AFF3: variants seen among roughly 807,000 people sequenced by gnomAD.
AFF3 encodes AF4/FMR2 family member 3.
Under a neutral mutation model 129.7 loss-of-function variants are expected in AFF3, and 32 were observed. That is an observed-to-expected ratio of 0.25 (90% confidence interval 0.19 to 0.33). AFF3 has a LOEUF of 0.33. Ranked by LOEUF, AFF3 falls within the 10% of genes least tolerant of loss-of-function variation. AFF3 has a pLI of 1.00. For missense variants in AFF3, 1,373 were observed against 1,592.0 expected, an observed-to-expected ratio of 0.86 and a Z score of 2.34; for synonymous variants, 644 against 635.4, an observed-to-expected ratio of 1.01 and a Z score of -0.20.
chr2:99,632,958 C>T (rs137992680), intron 13 of AFF3, among the ~76,000 whole-genome samples: 6 of 152,262 alleles, frequency 3.9e-5, no homozygotes, highest in South Asian at 2.1e-4. Flanking sequence ...AAGGAGGAAA[C>T]GGAGTGTTTG....
chr2:99,620,484 C>T (rs892479999), intron 13 of AFF3, among the ~76,000 whole-genome samples: 4 of 151,976 alleles, frequency 2.6e-5, no homozygotes, highest in African/African-American at 9.7e-5. Flanking sequence ...AAAAAATTTG[C>T]CAGGGGTGGT....
chr2:100,004,367 A>G lies in AFF3; in HGVS notation c.873+2265T>C, dbSNP rs1681745432. On this transcript the variant is annotated intron_variant, in intron 7 of 24. Coordinates refer to ENST00000672756, the MANE Select transcript of AFF3 (RefSeq NM_001386135.1). ...CACATTAAATCGTTTTACCTCTTTC[A>G]AAAAATAAAAATATTTATTCCCTCA... 2.0e-5 allele frequency among the ~76,000 whole-genome samples: 3 copies of G among 152,222 alleles called. No individual in the cohort carries two copies. The South Asian group carries it at 6.2e-4, about 32-fold the overall frequency.
At chr2:99,633,769 C>T (rs1683349402) in intron 13 of AFF3, among the ~76,000 whole-genome samples, 1 of 152,126 alleles carries the variant, frequency 6.6e-6, no homozygotes, top group Non-Finnish European at 1.5e-5. Flanking sequence ...CTCTTTGCAC[C>T]TGCCCACTTC....
At chr2:99,744,804 G>A (rs1404257731) in intron 9 of AFF3, among the ~76,000 whole-genome samples, 3 of 152,134 alleles carry the variant, frequency 2.0e-5, no homozygotes, top group Non-Finnish European at 4.4e-5. Context: ...TATTTGGGCT[G>A]TTTCTACCTT....
At chr2:100,033,613 T>C (rs576389095) in intron 4 of AFF3, among the ~76,000 whole-genome samples, 25 of 152,140 alleles carry the variant, frequency 1.6e-4, no homozygotes, top group Admixed American at 3.3e-4. Context: ...GGAAACAATA[T>C]AGAATTTTTA....
intron 14 of AFF3, among the ~76,000 whole-genome samples, chr2:99,598,482 A>G (rs1308449664): frequency 6.6e-6 from 1 of 152,204 alleles, no homozygotes; most frequent in African/African-American, 2.4e-5. Context: ...TTACCATACT[A>G]CAGTGATTTA....
At position 99,752,204 on chromosome 2, in the gene AFF3, G is replaced by A; in HGVS notation, c.1002+17C>T. ...CATGAGTGAAACATATTCCTCCTGA[G>A]GGATGCAAGATCTCACCTTATTTGG... On this transcript the variant is annotated intron_variant, in intron 9 of 24. Transcript: ENST00000672756. 1 of 1,595,774 alleles carries A rather than the reference G, an allele frequency of 6.3e-7. No homozygotes were observed. Among genetic ancestry groups the A allele is most frequent in the Non-Finnish European group, 8.6e-7 (1 of 1,163,426 alleles).
chr2:99,931,572 T>C (rs1257219759), intron 7 of AFF3, among the ~76,000 whole-genome samples: 2 of 152,212 alleles, frequency 1.3e-5, no homozygotes, highest in Admixed American at 1.3e-4. Flanking sequence ...TAGGGTACTG[T>C]TTAGAGATCA....
intron 7 of AFF3, among the ~76,000 whole-genome samples, chr2:99,978,099 T>C (rs1679055428): frequency 6.6e-6 from 1 of 152,206 alleles, no homozygotes; most frequent in African/African-American, 2.4e-5. Flanking sequence ...AAGAGAGCTG[T>C]ACCATCTGCT....
intron 4 of AFF3, among the ~76,000 whole-genome samples, chr2:100,037,764 A>T (rs1219365864): frequency 1.5e-5 from 2 of 133,898 alleles, no homozygotes; most frequent in Non-Finnish European, 3.1e-5. Context: ...TATTAAATAT[A>T]ATAAATATAT....
At chr2:99,987,015 G>A (rs531557629) in intron 7 of AFF3, among the ~76,000 whole-genome samples, 9 of 152,144 alleles carry the variant, frequency 5.9e-5, no homozygotes, top group Non-Finnish European at 1.3e-4. Context: ...AAGGCCGATC[G>A]TTACAAACGT....
At chr2:100,082,891 A>C (rs1195979279) in intron 4 of AFF3, among the ~76,000 whole-genome samples, 1 of 152,026 alleles carries the variant, frequency 6.6e-6, no homozygotes, top group Non-Finnish European at 1.5e-5. Context: ...GACCAGCCTG[A>C]CCAACATGGA....
chr2:100,111,165 A>G (rs1237056552), intron 2 of AFF3, among the ~76,000 whole-genome samples: 1 of 152,244 alleles, frequency 6.6e-6, no homozygotes, highest in African/African-American at 2.4e-5. Context: ...GGAACAAAAT[A>G]AGACCCTATG....
intron 8 of AFF3, among the ~76,000 whole-genome samples, chr2:99,808,245 T>C (rs1686510951): frequency 6.6e-6 from 1 of 152,112 alleles, no homozygotes; most frequent in African/African-American, 2.4e-5. Context: ...TGTAACACAA[T>C]GGCAGGAAAC....
At chr2:99,930,182 T>C (rs765176844) in intron 7 of AFF3, among the ~76,000 whole-genome samples, 13 of 152,112 alleles carry the variant, frequency 8.5e-5, no homozygotes, top group Admixed American at 2.6e-4. Context: ...AAGAAGACTT[T>C]GTAGAATGAA....
At chr2:99,781,846 T>G (rs865820466) in intron 8 of AFF3, among the ~76,000 whole-genome samples, 1 of 151,962 alleles carries the variant, frequency 6.6e-6, no homozygotes, top group African/African-American at 2.4e-5. Context: ...TAACCAAGTA[T>G]AGCAAAATAT....
chr2:99,946,476 A>T (rs1460732462), intron 7 of AFF3, among the ~76,000 whole-genome samples: 1 of 20,276 alleles, frequency 4.9e-5, no homozygotes, highest in Non-Finnish European at 8.1e-5. Context: ...GCCATCTTAA[A>T]AAAAAAAAAA....
chr2:99,845,751 C>T (rs1257529709), intron 7 of AFF3, among the ~76,000 whole-genome samples: 1 of 152,186 alleles, frequency 6.6e-6, no homozygotes, highest in African/African-American at 2.4e-5. Flanking sequence ...CCTCACATTA[C>T]AGGCAAACTT....
At chr2:99,596,934 C>T (rs1037972027) in intron 14 of AFF3, among the ~76,000 whole-genome samples, 5 of 152,178 alleles carry the variant, frequency 3.3e-5, no homozygotes, top group Non-Finnish European at 5.9e-5. Flanking sequence ...TATTGCCTCT[C>T]AAACAAAATC....
Sources: allele counts gnomAD v4.1 joint callset (sites outside exome capture counted in the v4.1 genomes callset), GRCh38; gene constraint gnomAD v4.1.1; transcripts MANE v1.5; gene names NCBI Gene and HGNC (gene_info 2026-07-23, HGNC 2026-07-21).